The following RPS6KC1 variants were observed in gnomAD, a reference collection of about 807,000 sequenced individuals.
RPS6KC1 encodes inactive ribosomal protein S6 kinase delta-1.
A neutral mutation model predicts 103.8 loss-of-function variants in RPS6KC1; 54 were observed. The observed-to-expected ratio is 0.52, with a 90% CI of 0.42 to 0.65. The LOEUF (loss-of-function observed/expected upper bound fraction) is 0.65, where lower values mean the gene tolerates loss of function less well. Ranked by LOEUF, RPS6KC1 falls within the 30% of genes least tolerant of loss-of-function variation. The probability of loss-of-function intolerance (pLI) is 0.00; values close to 1 mark genes in which losing one functional copy is unlikely to be tolerated. For missense variants in RPS6KC1, 1,151 were observed against 1,253.8 expected, an observed-to-expected ratio of 0.92 and a Z score of 1.24; for synonymous variants, 439 against 438.7, an observed-to-expected ratio of 1.00 and a Z score of -0.01.
chr1:213,059,679 A>T (rs1466907762), intron 1 of RPS6KC1, among the ~76,000 whole-genome samples: 2 of 146,686 alleles, frequency 1.4e-5, no homozygotes, highest in African/African-American at 5.0e-5. Flanking sequence ...ACACCGGCTA[A>T]TTTTTTTTTT....
At chr1:213,764,898 C>T in the RPS6KC1 span, among the ~76,000 whole-genome samples, 12 of 152,310 alleles carry the variant, frequency 7.9e-5, no homozygotes, top group South Asian at 2.5e-3. Flanking sequence ...TCTTACTCCT[C>T]AAGAGACCAG....
At chr1:213,416,534 G>A in the RPS6KC1 span, among the ~76,000 whole-genome samples, 3 of 152,192 alleles carry the variant, frequency 2.0e-5, no homozygotes, top group Non-Finnish European at 4.4e-5. Context: ...AAATCAGAGG[G>A]CACTGGGGTG....
the RPS6KC1 span, among the ~76,000 whole-genome samples, chr1:213,349,121 A>G: frequency 6.6e-6 from 1 of 152,228 alleles, no homozygotes; most frequent in African/African-American, 2.4e-5. Flanking sequence ...GGAAAAAAGA[A>G]GTATCTGCTT....
chr1:213,605,190 G>A, the RPS6KC1 span, among the ~76,000 whole-genome samples: 20 of 152,106 alleles, frequency 1.3e-4, no homozygotes, highest in Non-Finnish European at 1.5e-4. Flanking sequence ...TGCAGTTAGG[G>A]CTGAACAATA....
chr1:213,587,178 G>A, the RPS6KC1 span, among the ~76,000 whole-genome samples: 14 of 152,218 alleles, frequency 9.2e-5, no homozygotes, highest in Non-Finnish European at 1.8e-4. Flanking sequence ...AGGCATGGAA[G>A]TTGGGTGAGG....
the RPS6KC1 span, among the ~76,000 whole-genome samples, chr1:213,563,195 T>G: frequency 8.5e-5 from 13 of 152,326 alleles, no homozygotes; most frequent in African/African-American, 3.1e-4. Context: ...TCCTGATAAA[T>G]TGTCCTTTTT....
chr1:213,719,305 C>T, the RPS6KC1 span, among the ~76,000 whole-genome samples: 1 of 152,272 alleles, frequency 6.6e-6, no homozygotes, highest in Non-Finnish European at 1.5e-5. Flanking sequence ...ATGTGAGGAA[C>T]CGGAGTACAA....
the RPS6KC1 span, among the ~76,000 whole-genome samples, chr1:213,796,707 A>G: frequency 3.3e-5 from 5 of 152,214 alleles, no homozygotes; most frequent in African/African-American, 1.2e-4. Flanking sequence ...TCACACAGGC[A>G]CATTTATCTT....
intron 3 of RPS6KC1, among the ~76,000 whole-genome samples, chr1:213,101,192 A>T (rs1277866257): frequency 6.6e-6 from 1 of 152,186 alleles, no homozygotes; most frequent in African/African-American, 2.4e-5. Flanking sequence ...GATGTTGAGC[A>T]TATTTTCATG....
At chr1:213,426,447 G>A in the RPS6KC1 span, among the ~76,000 whole-genome samples, 1 of 152,140 alleles carries the variant, frequency 6.6e-6, no homozygotes, top group Non-Finnish European at 1.5e-5. Context: ...ACTCAAGTGA[G>A]TTTTTGCGGT....
At chr1:213,362,587 G>C in the RPS6KC1 span, among the ~76,000 whole-genome samples, 2 of 152,198 alleles carry the variant, frequency 1.3e-5, no homozygotes, top group African/African-American at 4.8e-5. Flanking sequence ...CAAACACGTG[G>C]TCAGGAGACG....
the RPS6KC1 span, among the ~76,000 whole-genome samples, chr1:213,318,483 G>A: frequency 2.0e-5 from 3 of 152,138 alleles, no homozygotes; most frequent in Admixed American, 1.3e-4. Context: ...TATTTTGGGG[G>A]ATTATTATAA....
chr1:213,616,167 A>G, the RPS6KC1 span, among the ~76,000 whole-genome samples: 1 of 152,246 alleles, frequency 6.6e-6, no homozygotes, highest in Non-Finnish European at 1.5e-5. Context: ...CAAATCAGAA[A>G]AAGGATATTA....
intron 8 of RPS6KC1, among the ~76,000 whole-genome samples, chr1:213,189,296 A>G (rs1379281817): frequency 2.6e-5 from 4 of 152,054 alleles, no homozygotes; most frequent in African/African-American, 9.7e-5. Context: ...TAAAAATACA[A>G]AAATTAGCCA....
the RPS6KC1 span, among the ~76,000 whole-genome samples, chr1:213,557,902 G>T: frequency 0.89 from 135,061 of 152,244 alleles, 60,040 homozygotes; most frequent in East Asian, 0.98. Flanking sequence ...TCAGTGGGTT[G>T]AGTTTGTCAA....
chr1:213,438,305 T>C, the RPS6KC1 span, among the ~76,000 whole-genome samples: 1 of 152,166 alleles, frequency 6.6e-6, no homozygotes, highest in African/African-American at 2.4e-5. Context: ...GTCTCAGTCA[T>C]TTGGTCTTAT....
the RPS6KC1 span, among the ~76,000 whole-genome samples, chr1:213,676,878 T>G: frequency 6.6e-6 from 1 of 152,254 alleles, no homozygotes; most frequent in Non-Finnish European, 1.5e-5. Flanking sequence ...CAGTGGCAGC[T>G]TTTAAATACA....
intron 14 of RPS6KC1, among the ~76,000 whole-genome samples, chr1:213,271,932 A>AT (rs893549359): frequency 2.6e-5 from 4 of 151,672 alleles, no homozygotes; most frequent in African/African-American, 4.8e-5. Flanking sequence ...AAACCACAAA[A>AT]TTTTTTTTTA....
intron 8 of RPS6KC1, among the ~76,000 whole-genome samples, chr1:213,219,301 A>T (rs1425572763): frequency 6.6e-6 from 1 of 152,140 alleles, no homozygotes; most frequent in Non-Finnish European, 1.5e-5. Context: ...AATCAAAACC[A>T]CAGTGAGATA....
Sources: allele counts gnomAD v4.1 joint callset (sites outside exome capture counted in the v4.1 genomes callset), GRCh38; gene constraint gnomAD v4.1.1; transcripts MANE v1.5; gene names NCBI Gene and HGNC (gene_info 2026-07-23, HGNC 2026-07-21).